Variants in ZNF608 observed in about 807,000 individuals in gnomAD.
The protein encoded by ZNF608 is zinc finger protein 608, also known as renal carcinoma antigen NY-REN-36.
A neutral mutation model predicts 109.0 loss-of-function variants in ZNF608; 12 were observed. That is an observed-to-expected ratio of 0.11 (90% CI 0.07 to 0.18). ZNF608 has a LOEUF of 0.18. Among genes scored for constraint, ZNF608 ranks in the 10% least tolerant of loss-of-function variants. The pLI is 1.00. For synonymous variants in ZNF608, 732 were observed against 717.4 expected (o/e 1.02, Z -0.33); for missense variants, 1,707 against 1,879.3 (o/e 0.91, Z 1.70).
At chr5:124,734,635 G>T (rs923617042) in intron 2 of ZNF608, 1 of 152,190 alleles carries the variant, frequency 6.6e-6, no homozygotes, top group African/African-American at 2.4e-5. Context: ...AAAAACTTGG[G>T]TACACATTAA....
At chr5:124,656,427 C>T (rs1751010661) in intron 3 of ZNF608, among the ~76,000 whole-genome samples, 1 of 152,154 alleles carries the variant, frequency 6.6e-6, no homozygotes, top group Non-Finnish European at 1.5e-5. Context: ...TAATTATAAC[C>T]TCTCAGATGA....
chr5:124,639,050 G>C, intron 9 of ZNF608, 83 bp downstream of exon 9: 1 of 1,329,008 alleles, frequency 7.5e-7, no homozygotes, highest in South Asian at 1.3e-5. Context: ...TTAAGTTTTT[G>C]GTCTAAAAAT....
chr5:124,723,791 T>C (rs1353444605), intron 2 of ZNF608, among the ~76,000 whole-genome samples: 2 of 151,768 alleles, frequency 1.3e-5, no homozygotes, highest in Non-Finnish European at 2.9e-5. Flanking sequence ...TGGGAAAAAA[T>C]ATTTGCAAAG....
chr5:124,746,054 T>C (rs1749628512), intron 1 of ZNF608, 141 bp downstream of exon 1: 1 of 920,830 alleles, frequency 1.1e-6, no homozygotes, highest in Non-Finnish European at 1.3e-6. Context: ...GTGGCCTCAA[T>C]GACCGCAAAT....
intron 3 of ZNF608, among the ~76,000 whole-genome samples, chr5:124,695,225 G>T (rs1752800262): frequency 6.6e-6 from 1 of 152,074 alleles, no homozygotes. Flanking sequence ...AGTCAAAGTT[G>T]AATTGATAAA....
chr5:124,693,009 T>C (rs1245604897), intron 3 of ZNF608, among the ~76,000 whole-genome samples: 1 of 152,160 alleles, frequency 6.6e-6, no homozygotes, highest in Non-Finnish European at 1.5e-5. Flanking sequence ...TTGGAGTAAG[T>C]GGTAATGACT....
intron 2 of ZNF608, among the ~76,000 whole-genome samples, chr5:124,703,721 T>C (rs2149854318): frequency 6.6e-6 from 1 of 152,268 alleles, no homozygotes; most frequent in African/African-American, 2.4e-5. Flanking sequence ...TGAGCTATGA[T>C]CATGCCATGG....
intron 2 of ZNF608, among the ~76,000 whole-genome samples, chr5:124,740,950 A>C (rs1188200268): frequency 6.6e-6 from 1 of 152,208 alleles, no homozygotes; most frequent in Non-Finnish European, 1.5e-5. Flanking sequence ...CAAAACTGTA[A>C]GATGGCTAGG....
intron 3 of ZNF608, among the ~76,000 whole-genome samples, chr5:124,671,245 T>C (rs1484965572): frequency 3.3e-5 from 5 of 152,178 alleles, no homozygotes; most frequent in African/African-American, 1.2e-4. Context: ...AAGGAAGCTC[T>C]AACTAAATAG....
rs185029863 is a variant in ZNF608 at position 124,696,034 on chromosome 5, A to G, written c.1162+4980T>C. Among the ~76,000 whole-genome samples the G allele has an allele frequency of 3.5e-3, 540 of 152,152 alleles. 3 individuals are homozygous for G. The highest frequency in any genetic ancestry group is 0.01 in the Middle Eastern group (3 of 294). ...CCCCGTCTCTACTAAAAATACAAAA[A>G]TTATCGAGGTGTGGTGGCGCATGCC... On this transcript the variant is annotated intron_variant, in intron 3 of 9. Transcript: ENST00000513986.
chr5:124,674,650 A>G (rs1009593329), intron 3 of ZNF608, among the ~76,000 whole-genome samples: 6 of 152,096 alleles, frequency 3.9e-5, no homozygotes, highest in African/African-American at 1.4e-4. Flanking sequence ...TCCCTCTATC[A>G]CCCAGTGTGG....
chr5:124,650,847 T>C (rs1399214976), intron 3 of ZNF608, among the ~76,000 whole-genome samples: 3 of 152,228 alleles, frequency 2.0e-5, no homozygotes, highest in African/African-American at 7.2e-5. Flanking sequence ...ACCATTGCCA[T>C]TGTGAATTTT....
intron 3 of ZNF608, among the ~76,000 whole-genome samples, chr5:124,696,550 G>A (rs1752857815): frequency 6.6e-6 from 1 of 152,280 alleles, no homozygotes; most frequent in South Asian, 2.1e-4. Flanking sequence ...ACTCACTTGA[G>A]AAATCAACAG....
Position 124,648,839 on chromosome 5 carries a change from C to T in ZNF608, c.1545G>A (p.Glu515=). 6.2e-7 allele frequency: 1 copy of T among 1,614,072 alleles called. No individual in the cohort carries two copies. The highest frequency in any genetic ancestry group is 8.5e-7 in the Non-Finnish European group (1 of 1,179,964). Residue 515 remains glutamate, a synonymous_variant, in exon 5 of 10, where the codon GAG becomes GAA. Coordinates refer to ENST00000513986, the MANE Select transcript of ZNF608 (RefSeq NM_020747.3). The part of the protein sequence containing the change: ...PMELDLNSSS[E]DNKPGKRVRT... ...GGACACGCTTTCCAGGCTTATTGTC[C>T]TCAGAGCTGGAGTTCAGGTCCAGCT... is the stretch of plus-strand genomic sequence containing the variant.
In ZNF608 at chr5:124,648,511, G is replaced by T; in HGVS notation, c.1873C>A (p.Pro625Thr). The T allele has an allele frequency of 1.2e-6, 2 of 1,614,182 alleles. No individual in the cohort carries two copies. Among genetic ancestry groups the T allele is most frequent in the Non-Finnish European group, 1.7e-6 (2 of 1,180,034 alleles). Residue 625 changes from proline to threonine, a missense_variant, in exon 5 of 10, where the codon CCG becomes ACG. Around this residue, in one of 7 missense-constraint regions of ZNF608, gnomAD observed 1,073 missense variants for 1,133.5 expected, o/e 0.95. Transcript: ENST00000513986. ...GGGTTTCCAGCACCAGGGGATGCCGGTGCCTTCAACTGGTCATAAGCAGAT... is the reference window on the plus strand; with the variant it reads ...GGGTTTCCAGCACCAGGGGATGCCGTTGCCTTCAACTGGTCATAAGCAGAT... Reference protein sequence around the residue: ...SVSAYDQLKAPASPGAGNPPG... With the variant: ...SVSAYDQLKATASPGAGNPPG...
At chr5:124,736,053 A>C (rs1749125964) in intron 2 of ZNF608, among the ~76,000 whole-genome samples, 1 of 151,844 alleles carries the variant, frequency 6.6e-6, no homozygotes, top group Admixed American at 6.6e-5. Context: ...AAAAAAAAAA[A>C]CATGTTTAAT....
intron 3 of ZNF608, among the ~76,000 whole-genome samples, chr5:124,697,182 G>A (rs1342019110): frequency 2.0e-5 from 3 of 149,388 alleles, no homozygotes; most frequent in East Asian, 3.9e-4. Flanking sequence ...TCGGAATAAC[G>A]GCGACAGATG....
At chr5:124,737,315 A>G (rs1053465493) in intron 2 of ZNF608, among the ~76,000 whole-genome samples, 1 of 152,224 alleles carries the variant, frequency 6.6e-6, no homozygotes, top group Non-Finnish European at 1.5e-5. Context: ...CTAGCTGACA[A>G]TGAGGATTCC....
rs1430211504 is a variant in ZNF608 at position 124,637,682 on chromosome 5, T to C, written c.*218A>G. 3 of 192,910 alleles carry C rather than the reference T, an allele frequency of 1.6e-5. No homozygotes were observed. Among genetic ancestry groups the C allele is most frequent in the East Asian group, 1.2e-4 (1 of 8,008 alleles). 11.9% of individuals were successfully genotyped at this position (192,910 alleles called of 1,614,324 possible). On this transcript the variant is annotated 3_prime_UTR_variant, in exon 10 of 10. Coordinates refer to ENST00000513986, the MANE Select transcript of ZNF608 (RefSeq NM_020747.3). ...ATATTTATATTTATATATATATATA[T>C]GTATATATACAGATATGTATACGTA...
Sources: allele counts gnomAD v4.1 joint callset (sites outside exome capture counted in the v4.1 genomes callset), GRCh38; gene constraint gnomAD v4.1.1; regional missense constraint gnomAD v4.1.1; transcripts MANE v1.5; gene names NCBI Gene and HGNC (gene_info 2026-07-23, HGNC 2026-07-21).